The following SIK3 variants were observed in gnomAD, a reference collection of about 807,000 sequenced individuals.
SIK3 encodes SIK family kinase 3.
Under a neutral mutation model 144.2 loss-of-function variants are expected in SIK3, and 28 were observed. The observed-to-expected ratio is 0.19, with a 90% CI of 0.14 to 0.27. The LOEUF is 0.27. SIK3 is among the 10% of genes least tolerant of loss of function. The pLI is 1.00. For synonymous variants in SIK3, 686 were observed against 676.3 expected, an observed-to-expected ratio of 1.01 and a Z score of -0.22; for missense variants, 1,319 against 1,776.0, an observed-to-expected ratio of 0.74 and a Z score of 4.62.
intron 4 of SIK3, among the ~76,000 whole-genome samples, chr11:116,905,472 G>A (rs1945977986): frequency 6.6e-6 from 1 of 152,154 alleles, no homozygotes; most frequent in Admixed American, 6.6e-5. Flanking sequence ...ATATACCTGG[G>A]AGTGGAACTG....
chr11:117,062,787 T>C (rs1953853168), intron 1 of SIK3, among the ~76,000 whole-genome samples: 1 of 152,190 alleles, frequency 6.6e-6, no homozygotes, highest in Non-Finnish European at 1.5e-5. Context: ...AAAGAGTGGT[T>C]CACATACACA....
intron 1 of SIK3, among the ~76,000 whole-genome samples, chr11:117,016,978 CA>C (rs1342990047): frequency 6.6e-6 from 1 of 152,132 alleles, no homozygotes; most frequent in Non-Finnish European, 1.5e-5. Flanking sequence ...AAATATAAAA[CA>C]GGATGTAAGA....
chr11:117,003,122 T>C (rs1950912854), intron 1 of SIK3, among the ~76,000 whole-genome samples: 1 of 152,236 alleles, frequency 6.6e-6, no homozygotes, highest in Non-Finnish European at 1.5e-5. Flanking sequence ...CCTACCACAG[T>C]AACATCTCGT....
At chr11:116,949,448 A>C (rs1261813533) in intron 3 of SIK3, among the ~76,000 whole-genome samples, 1 of 152,246 alleles carries the variant, frequency 6.6e-6, no homozygotes, top group African/African-American at 2.4e-5. Context: ...AAATTGGTCT[A>C]CAAACAATAC....
Position 116,867,810 on chromosome 11 carries a change from G to T in SIK3, c.1952+136C>A. 1.1e-6 allele frequency: 1 copy of T among 888,116 alleles called. No homozygotes were observed. The highest frequency in any genetic ancestry group is 1.7e-6 in the Non-Finnish European group (1 of 604,458). 55.0% of individuals were successfully genotyped at this position (888,116 alleles called of 1,614,324 possible). On this transcript the variant is annotated intron_variant, in intron 15 of 24. Coordinates refer to ENST00000445177, the MANE Select transcript of SIK3 (RefSeq NM_001366686.3). This position sits in a 1 kb window ranked among gnomAD's most constrained non-coding sequence, Gnocchi z 4.1. The stretch of plus-strand genomic sequence containing the variant: ...TGTGCATTGCTTACTGCAAGGAGCT[G>T]AGAAGATGTGAGTTCAGGATGACAG...
At chr11:117,019,905 G>GA (rs981277031) in intron 1 of SIK3, among the ~76,000 whole-genome samples, 1 of 151,320 alleles carries the variant, frequency 6.6e-6, no homozygotes, top group Non-Finnish European at 1.5e-5. Flanking sequence ...TAAAAAAAAA[G>GA]AAAAAAAGGA....
At chr11:116,891,546 T>A (rs890800877) in intron 6 of SIK3, among the ~76,000 whole-genome samples, 1 of 152,170 alleles carries the variant, frequency 6.6e-6, no homozygotes, top group Non-Finnish European at 1.5e-5. Context: ...TAGCCAAAAA[T>A]GTTTGTAAGC....
intron 2 of SIK3, among the ~76,000 whole-genome samples, chr11:116,955,399 A>AAAATAAAT (rs568647090): frequency 6.6e-6 from 1 of 152,096 alleles, no homozygotes; most frequent in Non-Finnish European, 1.5e-5. Flanking sequence ...CTTCGTCTCA[A>AAAATAAAT]AAATAAATAA....
At chr11:117,006,190 T>C (rs1381666256) in intron 1 of SIK3, among the ~76,000 whole-genome samples, 2 of 152,198 alleles carry the variant, frequency 1.3e-5, no homozygotes, top group Non-Finnish European at 2.9e-5. Context: ...AAAGATCATA[T>C]AGTCTAAAAT....
intron 1 of SIK3, among the ~76,000 whole-genome samples, chr11:117,058,329 G>A (rs956630571): frequency 6.6e-6 from 1 of 152,040 alleles, no homozygotes; most frequent in Non-Finnish European, 1.5e-5. Context: ...AGACCAGCCT[G>A]ACCAACATGG....
At chr11:116,947,167 A>AT (rs1565486957) in intron 3 of SIK3, among the ~76,000 whole-genome samples, 2 of 118,380 alleles carry the variant, frequency 1.7e-5, no homozygotes, top group African/African-American at 8.4e-5. Flanking sequence ...ATTATATATA[A>AT]ATTATTATTT....
intron 15 of SIK3, 191 bp from the exon 16 acceptor site, chr11:116,864,009 G>A (rs1314864448): frequency 8.0e-6 from 4 of 499,406 alleles, no homozygotes; most frequent in Middle Eastern, 1.0e-3. Flanking sequence ...GGCTCCAGGT[G>A]TACATCTTCC....
intron 6 of SIK3, among the ~76,000 whole-genome samples, chr11:116,890,879 G>C (rs1290412599): frequency 6.6e-6 from 1 of 152,082 alleles, no homozygotes; most frequent in Non-Finnish European, 1.5e-5. Flanking sequence ...AGCTAGGCAG[G>C]AGTCAGGTTA....
At chr11:116,876,655 G>A (rs1944273740) in intron 7 of SIK3, among the ~76,000 whole-genome samples, 1 of 152,234 alleles carries the variant, frequency 6.6e-6, no homozygotes, top group South Asian at 2.1e-4. Flanking sequence ...CCCCATGGTA[G>A]GTAAGCTGCA....
rs1565355136 is a variant in SIK3 at position 116,849,920 on chromosome 11, C to T, written c.3656-637G>A. Among the ~76,000 whole-genome samples, 1 of 152,220 alleles carries T rather than the reference C, an allele frequency of 6.6e-6. No individual in the cohort carries two copies. The highest frequency in any genetic ancestry group is 1.5e-5 in the Non-Finnish European group (1 of 68,028). On this transcript the variant is annotated intron_variant, in intron 21 of 24. Coordinates refer to ENST00000445177, the MANE Select transcript of SIK3 (RefSeq NM_001366686.3). This position sits in a 1 kb window ranked among gnomAD's most constrained non-coding sequence, Gnocchi z 4.2. The stretch of plus-strand genomic sequence containing the variant: ...AGCCCCAGATCCATACTTCCAGCTA[C>T]TTACTAGGTATCTTTCCCTGGATAT...
intron 1 of SIK3, among the ~76,000 whole-genome samples, chr11:117,075,719 AT>A (rs970094783): frequency 7.1e-6 from 1 of 139,928 alleles, no homozygotes; most frequent in African/African-American, 2.7e-5. Flanking sequence ...TTTTTTTTTT[AT>A]TTTTAGTAGA....
intron 1 of SIK3, chr11:117,035,961 A>T: frequency 6.3e-7 from 1 of 1,580,990 alleles, no homozygotes; most frequent in Admixed American, 1.7e-5. Context: ...TCCATGAAGC[A>T]GGAATTGGGG....
intron 13 of SIK3, 148 bp downstream of exon 13, chr11:116,873,333 G>T: frequency 9.7e-7 from 1 of 1,034,366 alleles, no homozygotes; most frequent in Non-Finnish European, 1.4e-6. Flanking sequence ...AACTCTACTG[G>T]CCTGAAGAAA....
chr11:116,974,943 C>T (rs1187380740), intron 1 of SIK3, among the ~76,000 whole-genome samples: 1 of 152,120 alleles, frequency 6.6e-6, no homozygotes, highest in African/African-American at 2.4e-5. Context: ...CCTAAGTTTT[C>T]TGGTAAAATA....
Sources: allele counts gnomAD v4.1 joint callset (sites outside exome capture counted in the v4.1 genomes callset), GRCh38; gene constraint gnomAD v4.1.1; non-coding constraint Gnocchi (gnomAD v3.1); transcripts MANE v1.5; gene names NCBI Gene and HGNC (gene_info 2026-07-23, HGNC 2026-07-21).